Variants in RANBP2 observed in about 807,000 individuals in gnomAD.
RANBP2 encodes the protein RAN binding protein 2, also known as E3 SUMO-protein ligase RanBP2.
Under a neutral mutation model 303.6 loss-of-function variants are expected in RANBP2, and 57 were observed. The observed-to-expected ratio is 0.19, with a 90% confidence interval of 0.15 to 0.23. The LOEUF is 0.23. Among genes scored for constraint, RANBP2 ranks in the 10% least tolerant of loss-of-function variants. RANBP2 has a pLI of 1.00. For missense variants in RANBP2, 3,138 were observed against 3,780.8 expected, an observed-to-expected ratio of 0.83 and a Z score of 4.46; for synonymous variants, 1,167 against 1,301.5, an observed-to-expected ratio of 0.90 and a Z score of 2.23.
the RANBP2 span, among the ~76,000 whole-genome samples, chr2:109,383,948 T>C: frequency 0.07 from 10,725 of 152,172 alleles, 948 homozygotes; most frequent in African/African-American, 0.21. Flanking sequence ...CTGATGACAG[T>C]CTAGAGGCTT....
At chr2:109,247,787 C>T in the RANBP2 span, among the ~76,000 whole-genome samples, 1 of 152,154 alleles carries the variant, frequency 6.6e-6, no homozygotes, top group Non-Finnish European at 1.5e-5. Flanking sequence ...TTTTATTTAA[C>T]TCACTGTTGT....
the RANBP2 span, among the ~76,000 whole-genome samples, chr2:108,862,205 A>G: frequency 6.6e-6 from 1 of 151,996 alleles, no homozygotes; most frequent in African/African-American, 2.4e-5. Flanking sequence ...TAAAAAAAAA[A>G]CAAAACAGGA....
the RANBP2 span, among the ~76,000 whole-genome samples, chr2:109,306,329 T>C: frequency 0.31 from 47,240 of 152,052 alleles, 9,056 homozygotes; most frequent in African/African-American, 0.54. Context: ...CTGACCCCTG[T>C]GTGTCCCTGC....
chr2:109,022,487 A>C, the RANBP2 span, among the ~76,000 whole-genome samples: 1 of 152,186 alleles, frequency 6.6e-6, no homozygotes. Context: ...AAAATCTTTA[A>C]AAATTACTGT....
At chr2:109,727,262 A>G in the RANBP2 span, among the ~76,000 whole-genome samples, 1 of 152,234 alleles carries the variant, frequency 6.6e-6, no homozygotes, top group Non-Finnish European at 1.5e-5. Flanking sequence ...AGTCTACCCC[A>G]TATCTTACTT....
rs932190918 is a variant in RANBP2, at chr2:108,785,429, T to C, written c.*1528T>C. 2 of 152,248 alleles carry C rather than the reference T, an allele frequency of 1.3e-5. No homozygotes were observed. The highest frequency in any genetic ancestry group is 4.1e-4 in the South Asian group (2 of 4,838). The allele number at this position is 152,248 out of a possible 1,614,324, so 9.4% of individuals were successfully genotyped here. Reference sequence around the variant, plus strand: ...TGTTGTAACTTTTCAGCTGAGACAGTTGATGCCTTCGTCATGATTTTAGAA... The same window carrying C: ...TGTTGTAACTTTTCAGCTGAGACAGCTGATGCCTTCGTCATGATTTTAGAA... On this transcript the variant is annotated 3_prime_UTR_variant, in exon 29 of 29. Coordinates refer to ENST00000283195, the MANE Select transcript of RANBP2 (RefSeq NM_006267.5).
At chr2:109,730,128 G>A in the RANBP2 span, among the ~76,000 whole-genome samples, 1 of 152,262 alleles carries the variant, frequency 6.6e-6, no homozygotes, top group East Asian at 1.9e-4. Context: ...TTTGGGTGGG[G>A]ACACAGAGCC....
the RANBP2 span, among the ~76,000 whole-genome samples, chr2:109,087,332 C>G: frequency 3.3e-5 from 5 of 152,266 alleles, no homozygotes; most frequent in Admixed American, 1.3e-4. Context: ...CTTGTATTGC[C>G]TCACAAAATG....
chr2:109,569,436 T>C, the RANBP2 span, among the ~76,000 whole-genome samples: 1 of 118,558 alleles, frequency 8.4e-6, no homozygotes, highest in African/African-American at 3.4e-5. Context: ...AAAACTCTTG[T>C]TAAAAAAAAA....
At chr2:108,827,343 A>C in the RANBP2 span, among the ~76,000 whole-genome samples, 15 of 152,220 alleles carry the variant, frequency 9.9e-5, no homozygotes, top group Admixed American at 9.8e-4. Context: ...ACAATACCAA[A>C]TTTACAAAGC....
chr2:108,827,815 A>T, the RANBP2 span, among the ~76,000 whole-genome samples: 11 of 12,646 alleles, frequency 8.7e-4, no homozygotes, highest in East Asian at 0.029. Context: ...GAATATGTCT[A>T]AAAAAAAAAA....
the RANBP2 span, chr2:108,923,443 G>T: frequency 6.2e-7 from 1 of 1,614,148 alleles, no homozygotes. Context: ...CTGTTCTCCA[G>T]CATGTAGTAG....
At chr2:109,684,338 T>C in the RANBP2 span, among the ~76,000 whole-genome samples, 4 of 146,684 alleles carry the variant, frequency 2.7e-5, 1 homozygote, top group South Asian at 8.7e-4. Context: ...GCCTCCCAGG[T>C]TTAAGCCATT....
At chr2:108,770,075 C>G (rs181305527) in intron 20 of RANBP2, among the ~76,000 whole-genome samples, 1 of 152,072 alleles carries the variant, frequency 6.6e-6, no homozygotes, top group African/African-American at 2.4e-5. Flanking sequence ...TGTATACTTG[C>G]GTACAGTTTC....
the RANBP2 span, among the ~76,000 whole-genome samples, chr2:109,140,350 T>G: frequency 6.6e-6 from 1 of 152,168 alleles, no homozygotes; most frequent in Non-Finnish European, 1.5e-5. Flanking sequence ...ACTGATGTTC[T>G]TTTTCTATTT....
chr2:109,568,093 G>GA, the RANBP2 span: 9 of 757,840 alleles, frequency 1.2e-5, no homozygotes, highest in Non-Finnish European at 1.7e-5. Flanking sequence ...CCTAGATCGG[G>GA]GGGCTGGCAA....
At chr2:109,192,918 T>A in the RANBP2 span, among the ~76,000 whole-genome samples, 3 of 152,208 alleles carry the variant, frequency 2.0e-5, no homozygotes, top group African/African-American at 7.2e-5. Flanking sequence ...TGCCAGTTAC[T>A]ATCATCATAG....
chr2:109,641,681 T>A, the RANBP2 span, among the ~76,000 whole-genome samples: 1 of 152,206 alleles, frequency 6.6e-6, no homozygotes, highest in African/African-American at 2.4e-5. Flanking sequence ...CCAAATTAGG[T>A]TCATGCACTG....
chr2:109,269,644 G>T, the RANBP2 span, among the ~76,000 whole-genome samples: 3 of 152,192 alleles, frequency 2.0e-5, no homozygotes, highest in African/African-American at 4.8e-5. Flanking sequence ...AGCCGGACAT[G>T]GTGGCGTGTG....
Sources: allele counts gnomAD v4.1 joint callset (sites outside exome capture counted in the v4.1 genomes callset), GRCh38; gene constraint gnomAD v4.1.1; transcripts MANE v1.5; gene names NCBI Gene and HGNC (gene_info 2026-07-23, HGNC 2026-07-21).